PCDH9: variants seen among roughly 807,000 people sequenced by gnomAD.
PCDH9 encodes the protein protocadherin 9.
In PCDH9, 24 loss-of-function variants were observed where a neutral mutation model predicts 70.6. The ratio of observed to expected loss-of-function variants is 0.34; its 90% CI spans 0.25 to 0.48. The LOEUF (loss-of-function observed/expected upper bound fraction) is 0.48, where lower values mean the gene tolerates loss of function less well. Among genes scored for constraint, PCDH9 ranks in the 20% least tolerant of loss-of-function variants. The probability of loss-of-function intolerance (pLI) is 0.99; values close to 1 mark genes in which losing one functional copy is unlikely to be tolerated. For synonymous variants in PCDH9, 562 were observed against 558.5 expected, an observed-to-expected ratio of 1.01 and a Z score of -0.09; for missense variants, 1,281 against 1,503.6, an observed-to-expected ratio of 0.85 and a Z score of 2.45.
chr13:66,737,661 G>C (rs188884542), intron 3 of PCDH9, among the ~76,000 whole-genome samples: 1 of 152,190 alleles, frequency 6.6e-6, no homozygotes, highest in African/African-American at 2.4e-5. Context: ...AGCCGAAGCC[G>C]GGCAAGGCAT....
At chr13:67,027,948 G>C (rs1482590501) in intron 2 of PCDH9, among the ~76,000 whole-genome samples, 1 of 150,776 alleles carries the variant, frequency 6.6e-6, no homozygotes, top group Non-Finnish European at 1.5e-5. Flanking sequence ...TGGAGAAATA[G>C]GAACACTTTT....
At chr13:66,593,728 T>C (rs915729493) in intron 4 of PCDH9, among the ~76,000 whole-genome samples, 1 of 151,736 alleles carries the variant, frequency 6.6e-6, no homozygotes, top group African/African-American at 2.4e-5. Context: ...TTTGCTTTTG[T>C]TTTATTTTTA....
At chr13:67,041,924 C>T (rs957175406) in intron 2 of PCDH9, among the ~76,000 whole-genome samples, 2 of 151,850 alleles carry the variant, frequency 1.3e-5, no homozygotes, top group Non-Finnish European at 2.9e-5. Context: ...GACCATGTAA[C>T]TAGTTCTGGT....
chr13:66,353,870 T>C (rs2138177608), intron 4 of PCDH9, among the ~76,000 whole-genome samples: 1 of 152,266 alleles, frequency 6.6e-6, no homozygotes, highest in Admixed American at 6.5e-5. Flanking sequence ...AAATTGTAAA[T>C]ATCGCATGCT....
At chr13:67,002,001 C>A (rs2084255075) in intron 2 of PCDH9, 1 of 152,036 alleles carries the variant, frequency 6.6e-6, no homozygotes, top group Admixed American at 6.6e-5. Flanking sequence ...TGAAATAGTA[C>A]CAAGAAATGT....
At chr13:67,189,365 A>G (rs549802979) in intron 2 of PCDH9, among the ~76,000 whole-genome samples, 1 of 152,006 alleles carries the variant, frequency 6.6e-6, no homozygotes, top group East Asian at 1.9e-4. Flanking sequence ...TTGTGCACCA[A>G]TTATATGATA....
At chr13:66,876,217 A>G (rs1054275326) in intron 3 of PCDH9, among the ~76,000 whole-genome samples, 1 of 152,202 alleles carries the variant, frequency 6.6e-6, no homozygotes, top group Non-Finnish European at 1.5e-5. Context: ...TATAAATTAC[A>G]GTGAATAATA....
intron 3 of PCDH9, among the ~76,000 whole-genome samples, chr13:66,654,439 A>G (rs573714629): frequency 3.7e-4 from 57 of 152,182 alleles, no homozygotes; most frequent in Non-Finnish European, 1.2e-4. Flanking sequence ...ACAATAATTT[A>G]TTGTATATTT....
At chr13:67,097,138 C>T (rs1006194513) in intron 2 of PCDH9, among the ~76,000 whole-genome samples, 17 of 151,806 alleles carry the variant, frequency 1.1e-4, no homozygotes, top group African/African-American at 3.9e-4. Context: ...ACTTATAGTC[C>T]CAGCTACTTG....
At chr13:66,565,863 T>C (rs1362858514) in intron 4 of PCDH9, among the ~76,000 whole-genome samples, 5 of 152,114 alleles carry the variant, frequency 3.3e-5, no homozygotes, top group African/African-American at 7.2e-5. Flanking sequence ...TTTCCTCCTA[T>C]GGAAAAAAAC....
At chr13:66,916,561 T>C (rs2082560649) in intron 2 of PCDH9, among the ~76,000 whole-genome samples, 1 of 151,516 alleles carries the variant, frequency 6.6e-6, no homozygotes, top group South Asian at 2.1e-4. Context: ...GAGTTTAAAA[T>C]CAAATACTCT....
chr13:66,934,541 CAAAA>C (rs553566707), intron 2 of PCDH9, among the ~76,000 whole-genome samples: 1 of 45,948 alleles, frequency 2.2e-5, no homozygotes, highest in Non-Finnish European at 4.7e-5. Flanking sequence ...AACTCAGTCC[CAAAA>C]AAAAAAAAAA....
chr13:66,355,302 G>A (rs1320880377), intron 4 of PCDH9, among the ~76,000 whole-genome samples: 2 of 152,052 alleles, frequency 1.3e-5, no homozygotes, highest in African/African-American at 4.8e-5. Context: ...TCACAGACAT[G>A]CGCATACTGG....
At position 66,427,672 on chromosome 13, in the gene PCDH9, CT is replaced by C. The variant is rs1044267545; in HGVS notation, c.3341-122645del. On this transcript the variant is annotated intron_variant, in intron 4 of 4. Coordinates refer to ENST00000377865, the MANE Select transcript of PCDH9 (RefSeq NM_203487.3). ...TATAAAACTTTTAGCCTCTTCCCAC[CT>C]TTTTTTTCTCAAGTGAGGCTCATCA... 2.6e-5 allele frequency among the ~76,000 whole-genome samples: 4 copies of C among 151,624 alleles called. No homozygotes were observed. In the East Asian group the frequency reaches 5.8e-4, roughly 22 times the overall value.
chr13:66,753,986 C>T (rs1049035496), intron 3 of PCDH9, among the ~76,000 whole-genome samples: 2 of 152,146 alleles, frequency 1.3e-5, no homozygotes, highest in Non-Finnish European at 2.9e-5. Flanking sequence ...CTTAATCATT[C>T]ATTTTCTTCT....
chr13:66,481,734 G>A (rs1047486885), intron 4 of PCDH9, among the ~76,000 whole-genome samples: 3 of 152,090 alleles, frequency 2.0e-5, no homozygotes, highest in Non-Finnish European at 4.4e-5. Context: ...TTTATTCAAA[G>A]TTAGTTGTAG....
intron 2 of PCDH9, among the ~76,000 whole-genome samples, chr13:67,084,968 A>AC (rs2086067247): frequency 2.7e-5 from 1 of 37,712 alleles, no homozygotes; most frequent in Non-Finnish European, 4.3e-5. Context: ...TGCTGTCTCA[A>AC]AAAAAAAAAA....
chr13:66,532,355 G>A (rs1450033726), intron 4 of PCDH9, among the ~76,000 whole-genome samples: 1 of 151,952 alleles, frequency 6.6e-6, no homozygotes, highest in Non-Finnish European at 1.5e-5. Context: ...TTCCCCATGG[G>A]TGAGTCAGCA....
At chr13:66,686,650 A>C (rs1037945157) in intron 3 of PCDH9, among the ~76,000 whole-genome samples, 2 of 152,180 alleles carry the variant, frequency 1.3e-5, no homozygotes, top group Admixed American at 6.5e-5. Context: ...AAAGTGTATA[A>C]TATTAGTCTA....
Sources: gnomAD v4.1 joint callset for allele counts (sites outside exome capture counted in the v4.1 genomes callset) on GRCh38, gnomAD v4.1.1 for gene constraint, MANE v1.5 for transcripts, NCBI Gene and HGNC (gene_info 2026-07-23, HGNC 2026-07-21) for gene names.